Variants in JAKMIP1 observed in about 807,000 individuals in gnomAD.
The protein encoded by JAKMIP1 is janus kinase and microtubule-interacting protein 1.
JAKMIP1 carries 33 observed loss-of-function variants against 113.0 expected under a neutral mutation model. That is an observed-to-expected ratio of 0.29 (90% CI 0.22 to 0.39). JAKMIP1 has a LOEUF of 0.39. JAKMIP1 is among the 10% of genes least tolerant of loss of function. The pLI is 1.00. For missense variants in JAKMIP1, 813 were observed against 1,080.5 expected (o/e 0.75, Z 3.47); for synonymous variants, 480 against 459.9 (o/e 1.04, Z -0.56).
intron 2 of JAKMIP1, among the ~76,000 whole-genome samples, chr4:6,111,046 T>C (rs574984831): frequency 3.9e-5 from 6 of 152,134 alleles, no homozygotes; most frequent in African/African-American, 1.4e-4. Flanking sequence ...CAGGTGCATC[T>C]GTCCCCAAGT....
rs1206953693 is a variant in JAKMIP1 at position 6,180,404 on chromosome 4, T to C, written c.-148+19849A>G. On this transcript the variant is annotated intron_variant, in intron 1 of 20. Transcript: ENST00000409021. This position sits in a 1 kb window ranked among gnomAD's most constrained non-coding sequence, Gnocchi z 4.5. ...TATTGAGATTTTCACTATAAAATCT[T>C]ATCAGCTGCTGAACAGGAGAGAAAC... 6.6e-6 allele frequency among the ~76,000 whole-genome samples: 1 copy of C among 152,190 alleles called. No homozygotes were observed. Among genetic ancestry groups the C allele is most frequent in the Non-Finnish European group, 1.5e-5 (1 of 68,032 alleles).
At chr4:6,170,419 G>GACTATCACCATAACCACCATCACC (rs140989267) in intron 1 of JAKMIP1, among the ~76,000 whole-genome samples, 1 of 120,032 alleles carries the variant, frequency 8.3e-6, no homozygotes, top group Non-Finnish European at 1.8e-5. Context: ...CCACCACCAC[G>GACTATCACCATAACCACCATCACC]ACCATCACCA....
intron 1 of JAKMIP1, among the ~76,000 whole-genome samples, chr4:6,189,271 G>A (rs1726973670): frequency 1.3e-5 from 2 of 152,242 alleles, no homozygotes. Context: ...GTAGCGAAAT[G>A]CCAGTCTGAA....
At chr4:6,092,095 A>T (rs779978496) in intron 3 of JAKMIP1, among the ~76,000 whole-genome samples, 1 of 152,172 alleles carries the variant, frequency 6.6e-6, no homozygotes, top group Non-Finnish European at 1.5e-5. Context: ...TTAAAAGGTA[A>T]GGAAAAGAAA....
At chr4:6,110,104 T>C (rs1028256331) in intron 2 of JAKMIP1, among the ~76,000 whole-genome samples, 1 of 152,164 alleles carries the variant, frequency 6.6e-6, no homozygotes, top group Non-Finnish European at 1.5e-5. Context: ...GCCTCGTGTG[T>C]GGGGCTAAAC....
Position 6,117,262 on chromosome 4 carries a change from G to A in JAKMIP1, c.-147-4265C>T, listed in dbSNP as rs938133035. On this transcript the variant is annotated intron_variant, in intron 1 of 20. Coordinates refer to ENST00000409021, the MANE Select transcript of JAKMIP1 (RefSeq NM_001099433.2). ...GTTCTTTTCTATTTTTCTAAGCGTC[G>A]ACTGGCTTGAGAAATAAAAGAATAG... Among the ~76,000 whole-genome samples, 8 of 152,108 alleles carry A rather than the reference G, an allele frequency of 5.3e-5. No homozygotes were observed. The East Asian group carries it at 7.7e-4, about 15-fold the overall frequency.
In JAKMIP1 at chr4:6,089,612, A is replaced by C. The variant is rs913358748; in HGVS notation, c.625-3983T>G. Among the ~76,000 whole-genome samples, 3 of 152,184 alleles carry C rather than the reference A, an allele frequency of 2.0e-5. No individual in the cohort carries two copies. The highest frequency in any genetic ancestry group is 7.2e-5 in the African/African-American group (3 of 41,448). The stretch of plus-strand genomic sequence containing the variant: ...CTCCCTGTCCCCTCTGCCCCAAAGG[A>C]ACAGAGTCCGGTTGTTTCTAAGCAG... On this transcript the variant is annotated intron_variant, in intron 3 of 20. Transcript: ENST00000409021. This position sits in a 1 kb window ranked among gnomAD's most constrained non-coding sequence, Gnocchi z 5.3.
Position 6,069,527 on chromosome 4 carries a change from T to C in JAKMIP1, c.1303-4519A>G, listed in dbSNP as rs562768246. ...ACTTTGGGAGGCTGAGGCAGAAAGA[T>C]CGCTTGAGCCCAGGAGTTCAAGATC... On this transcript the variant is annotated intron_variant, in intron 8 of 20. Coordinates refer to ENST00000409021, the MANE Select transcript of JAKMIP1 (RefSeq NM_001099433.2). The surrounding 1 kb of genome is among the most constrained non-coding windows in gnomAD (Gnocchi z 4.5). 1.6e-4 allele frequency among the ~76,000 whole-genome samples: 24 copies of C among 152,124 alleles called. No individual in the cohort carries two copies. The highest frequency in any genetic ancestry group is 2.9e-4 in the Non-Finnish European group (20 of 68,016).
At position 6,176,238 on chromosome 4, in the gene JAKMIP1, T is replaced by C. The variant is rs775533029; in HGVS notation, c.-148+24015A>G. Among the ~76,000 whole-genome samples, 6 of 152,110 alleles carry C rather than the reference T, an allele frequency of 3.9e-5. No homozygotes were observed. Among genetic ancestry groups the C allele is most frequent in the Non-Finnish European group, 8.8e-5 (6 of 68,026 alleles). ...AAAGGACAGATCACCCCCTCATACG[T>C]TTCAGACCAGCTGCTCCAGAGTCAA... On this transcript the variant is annotated intron_variant, in intron 1 of 20. Transcript: ENST00000409021. The surrounding 1 kb of genome is among the most constrained non-coding windows in gnomAD (Gnocchi z 5.5).
Position 6,080,992 on chromosome 4 carries a change from C to CACACAT in JAKMIP1, c.1101+616_1101+617insATGTGT. Among the ~76,000 whole-genome samples, 1 of 151,430 alleles carries CACACAT rather than the reference C, an allele frequency of 6.6e-6. No homozygotes were observed. The highest frequency in any genetic ancestry group is 1.5e-5 in the Non-Finnish European group (1 of 67,840). Reference sequence around the variant, plus strand: ...CTTCACACAACAGCAATTACACACACACACACACACACACACACACACCTG... The same window carrying CACACAT: ...CTTCACACAACAGCAATTACACACACACACATACACACACACACACACACACACCTG... On this transcript the variant is annotated intron_variant, in intron 6 of 20. Coordinates refer to ENST00000409021, the MANE Select transcript of JAKMIP1 (RefSeq NM_001099433.2). This position sits in a 1 kb window ranked among gnomAD's most constrained non-coding sequence, Gnocchi z 6.0.
rs192176616 is a variant in JAKMIP1, at chr4:6,062,274, C to T, written c.1560+38G>A. ...GAAAGGACCTACATGACCTGGCCTT[C>T]GGCCCCTCCCTCGAGCCCTGAGGCT... On this transcript the variant is annotated intron_variant, in intron 10 of 20. Transcript: ENST00000409021. 1.7e-3 allele frequency: 2,767 copies of T among 1,609,848 alleles called. 4 individuals are homozygous for T. The highest frequency in any genetic ancestry group is 6.6e-3 in the African/African-American group (498 of 74,940).
Position 6,067,608 on chromosome 4 carries a change from AC to A in JAKMIP1, c.1303-2601del, listed in dbSNP as rs200089416. On this transcript the variant is annotated intron_variant, in intron 8 of 20. Transcript: ENST00000409021. This position sits in a 1 kb window ranked among gnomAD's most constrained non-coding sequence, Gnocchi z 4.6. Reference sequence around the variant, plus strand: ...TCAAGCTCTTCTGCACACACAGGTCACCCCCCTGAGCTCCAGGTTCACTCAA... The same window carrying A: ...TCAAGCTCTTCTGCACACACAGGTCACCCCCTGAGCTCCAGGTTCACTCAA... Among the ~76,000 whole-genome samples, 422 of 146,738 alleles carry A rather than the reference AC, an allele frequency of 2.9e-3. 2 individuals carry two copies. Among genetic ancestry groups the A allele is most frequent in the East Asian group, 0.011 (48 of 4,492 alleles).
intron 8 of JAKMIP1, among the ~76,000 whole-genome samples, chr4:6,073,057 G>T (rs556314214): frequency 6.8e-6 from 1 of 147,146 alleles, no homozygotes; most frequent in Non-Finnish European, 1.5e-5. Flanking sequence ...CAACCTGGGC[G>T]ACAGAGAGAA....
chr4:6,039,630 G>C (rs1578059222), intron 18 of JAKMIP1, among the ~76,000 whole-genome samples: 1 of 152,130 alleles, frequency 6.6e-6, no homozygotes, highest in Non-Finnish European at 1.5e-5. Flanking sequence ...AACCAGAAAC[G>C]ATAGCCCAGA....
intron 3 of JAKMIP1, among the ~76,000 whole-genome samples, chr4:6,101,343 T>A (rs1304994443): frequency 6.6e-6 from 1 of 152,104 alleles, no homozygotes; most frequent in Non-Finnish European, 1.5e-5. Flanking sequence ...CATTGAAAGA[T>A]CATCCTCTCT....
In JAKMIP1 at chr4:6,143,953, A is replaced by G. The variant is rs1451924230; in HGVS notation, c.-147-30956T>C. Among the ~76,000 whole-genome samples, 1 of 152,156 alleles carries G rather than the reference A, an allele frequency of 6.6e-6. No individual in the cohort carries two copies. The highest frequency in any genetic ancestry group is 1.5e-5 in the Non-Finnish European group (1 of 68,026). On this transcript the variant is annotated intron_variant, in intron 1 of 20. Coordinates refer to ENST00000409021, the MANE Select transcript of JAKMIP1 (RefSeq NM_001099433.2). The surrounding 1 kb of genome is among the most constrained non-coding windows in gnomAD (Gnocchi z 4.9). ...TCTCCAGGGCTGGAGCAGGGACCACAGCATCTGCCTCACAGGCATGCCAGG... is the reference window on the plus strand; with the variant it reads ...TCTCCAGGGCTGGAGCAGGGACCACGGCATCTGCCTCACAGGCATGCCAGG...
rs991251513 is a variant in JAKMIP1 at position 6,105,422 on chromosome 4, G to A, written c.624+51C>T. ...GGAGCTCCGCATTTCCCCCATGCGT[G>A]CAGGGAGGGAAGGCCGCGTGCCCGC... On this transcript the variant is annotated intron_variant, in intron 3 of 20. Transcript: ENST00000409021. 2.0e-6 allele frequency: 3 copies of A among 1,502,284 alleles called. No homozygotes were observed. In the African/African-American group the frequency reaches 4.1e-5, roughly 21 times the overall value. The allele number at this position is 1,502,284 out of a possible 1,614,324, so 93.1% of individuals were successfully genotyped here. A position where few individuals can be genotyped will look rare whatever the true frequency, so the allele number is the denominator to read the frequency against.
Position 6,168,154 on chromosome 4 carries a change from C to T in JAKMIP1, c.-148+32099G>A, listed in dbSNP as rs1383514422. Among the ~76,000 whole-genome samples, 1 of 152,182 alleles carries T rather than the reference C, an allele frequency of 6.6e-6. No homozygotes were observed. The highest frequency in any genetic ancestry group is 1.9e-4 in the East Asian group (1 of 5,196). Reference sequence around the variant, plus strand: ...GCGCACAACAACAAGTGTGGGTGAGCATGTGGGGAACTGGACCCTTTATGC... The same window carrying T: ...GCGCACAACAACAAGTGTGGGTGAGTATGTGGGGAACTGGACCCTTTATGC... On this transcript the variant is annotated intron_variant, in intron 1 of 20. Coordinates refer to ENST00000409021, the MANE Select transcript of JAKMIP1 (RefSeq NM_001099433.2). The surrounding 1 kb of genome is among the most constrained non-coding windows in gnomAD (Gnocchi z 4.6).
intron 7 of JAKMIP1, among the ~76,000 whole-genome samples, chr4:6,079,651 G>A (rs748685858): frequency 1.4e-4 from 22 of 152,052 alleles, no homozygotes; most frequent in Non-Finnish European, 8.8e-5. Flanking sequence ...ATTCTCCACC[G>A]CTTAGGACAT....
Sources: gnomAD v4.1 joint callset for allele counts (sites outside exome capture counted in the v4.1 genomes callset) on GRCh38, gnomAD v4.1.1 for gene constraint, Gnocchi (gnomAD v3.1) non-coding constraint, MANE v1.5 for transcripts, NCBI Gene and HGNC (gene_info 2026-07-23, HGNC 2026-07-21) for gene names.